ZNF564: variants seen among roughly 807,000 people sequenced by gnomAD.
ZNF564 encodes zinc finger protein 564.
Under a neutral mutation model 10.5 loss-of-function variants are expected in ZNF564, and 5 were observed. The ratio of observed to expected loss-of-function variants is 0.48; its 90% CI spans 0.25 to 1.00. The LOEUF (loss-of-function observed/expected upper bound fraction) is 1.00. Ranked by LOEUF, ZNF564 falls within the 50% of genes least tolerant of loss-of-function variation. The pLI, the probability that ZNF564 is intolerant of heterozygous loss-of-function variation, is 0.16. For synonymous variants in ZNF564, 242 were observed against 218.1 expected (o/e 1.11, Z -0.97); for missense variants, 603 against 669.7 (o/e 0.90, Z 1.10).
Position 12,527,567 on chromosome 19 carries a change from G to A in ZNF564, c.541C>T (p.Leu181Phe). Residue 181 changes from leucine to phenylalanine, a missense_variant, in exon 4 of 4, where the codon CTC becomes TTC. Transcript: ENST00000339282. The part of the protein sequence containing the change: ...CPECGKAFIS[L>F]PSVRRHMIKH... ...ATCATGTGTCTTCGAACACTTGGGA[G>A]AGAAATGAAGGCTTTCCCACATTCC... 1.2e-6 allele frequency: 2 copies of A among 1,614,142 alleles called. No individual in the cohort carries two copies. Among genetic ancestry groups the A allele is most frequent in the Non-Finnish European group, 1.7e-6 (2 of 1,180,014 alleles).
intron 1 of ZNF564, among the ~76,000 whole-genome samples, chr19:12,542,837 C>G (rs2022083482): frequency 6.6e-6 from 1 of 150,452 alleles, no homozygotes; most frequent in South Asian, 2.1e-4. Flanking sequence ...AACTCTGTCA[C>G]TACTAAAAAT....
intron 1 of ZNF564, among the ~76,000 whole-genome samples, chr19:12,538,521 G>A (rs2021963200): frequency 6.6e-6 from 1 of 152,112 alleles, no homozygotes; most frequent in Non-Finnish European, 1.5e-5. Flanking sequence ...AGCTACTTGG[G>A]AGGCTGAGGC....
intron 1 of ZNF564, among the ~76,000 whole-genome samples, chr19:12,543,651 G>A (rs1160296593): frequency 8.2e-6 from 1 of 122,252 alleles, no homozygotes; most frequent in East Asian, 2.3e-4. Context: ...TCCAGACGGG[G>A]CAACAAAGCG....
At chr19:12,546,543 C>T (rs1378883458) in intron 1 of ZNF564, among the ~76,000 whole-genome samples, 10 of 151,904 alleles carry the variant, frequency 6.6e-5, no homozygotes, top group African/African-American at 1.9e-4. Flanking sequence ...CTGGCTAACA[C>T]GGTGAAACCC....
At position 12,526,419 on chromosome 19, in the gene ZNF564, T is replaced by C. The variant is rs1328032199; in HGVS notation, c.*27A>G. On this transcript the variant is annotated 3_prime_UTR_variant, in exon 4 of 4. Transcript: ENST00000339282. Reference sequence around the variant, plus strand: ...GAAGACTTTCCATATTCTTTAGATATGTAGATACTTGTAGACCTGTCCTCC... The same window carrying C: ...GAAGACTTTCCATATTCTTTAGATACGTAGATACTTGTAGACCTGTCCTCC... The C allele has an allele frequency of 3.9e-6, 6 of 1,534,490 alleles. 1 individual carries two copies. The Admixed American group carries it at 6.5e-5, about 17-fold the overall frequency.
At chr19:12,548,712 A>T (rs77193388) in intron 1 of ZNF564, 2 of 690,138 alleles carry the variant, frequency 2.9e-6, no homozygotes, top group Non-Finnish European at 5.3e-6. Flanking sequence ...GAGACCTCAC[A>T]TTATTGTTAC....
At chr19:12,550,660 GA>G (rs112461690) in intron 1 of ZNF564, 10 of 149,524 alleles carry the variant, frequency 6.7e-5, no homozygotes, top group South Asian at 3.2e-4. Flanking sequence ...TGTCTGAAAA[GA>G]AAAAAAAAAC....
chr19:12,542,918 A>G (rs147849273), intron 1 of ZNF564, among the ~76,000 whole-genome samples: 1 of 151,046 alleles, frequency 6.6e-6, no homozygotes, highest in African/African-American at 2.4e-5. Flanking sequence ...AGGAGAATCA[A>G]TTGAATCCCG....
intron 1 of ZNF564, among the ~76,000 whole-genome samples, chr19:12,536,004 TC>T (rs1274701054): frequency 8.7e-6 from 1 of 115,206 alleles, no homozygotes; most frequent in Admixed American, 1.1e-4. Flanking sequence ...AGAGCGTGAC[TC>T]CGTCTCAAAA....
chr19:12,529,984 C>CAA (rs553631056), intron 1 of ZNF564: 23 of 51,910 alleles, frequency 4.4e-4, no homozygotes, highest in African/African-American at 7.7e-4. Flanking sequence ...AACTCTGTCT[C>CAA]AAAAAAAAAA....
At chr19:12,548,673 G>A in intron 1 of ZNF564, 1 of 627,280 alleles carries the variant, frequency 1.6e-6, no homozygotes, top group Non-Finnish European at 2.8e-6. Context: ...AACATGAAAA[G>A]CACATTTATC....
intron 1 of ZNF564, among the ~76,000 whole-genome samples, chr19:12,534,668 GCT>G: frequency 6.6e-6 from 1 of 152,120 alleles, no homozygotes; most frequent in East Asian, 1.9e-4. Flanking sequence ...ACAAAAATTA[GCT>G]GGGCATGGTG....
At chr19:12,534,238 G>A (rs1307537245) in intron 1 of ZNF564, among the ~76,000 whole-genome samples, 2 of 152,028 alleles carry the variant, frequency 1.3e-5, no homozygotes, top group Non-Finnish European at 2.9e-5. Flanking sequence ...AAAGTATATC[G>A]ATTTAGAAGG....
intron 1 of ZNF564, 76 bp downstream of exon 1, chr19:12,551,254 T>A (rs2022254419): frequency 1.3e-6 from 2 of 1,511,612 alleles, no homozygotes; most frequent in African/African-American, 1.4e-5. Flanking sequence ...GAGGCCAGGG[T>A]GCTTCCACAG....
chr19:12,551,100 C>G (rs1373390313), intron 1 of ZNF564, among the ~76,000 whole-genome samples: 3 of 152,226 alleles, frequency 2.0e-5, no homozygotes, highest in African/African-American at 7.2e-5. Flanking sequence ...GACAGGGCTC[C>G]GAGGCCGAGG....
chr19:12,549,044 T>A (rs544216373), intron 1 of ZNF564, among the ~76,000 whole-genome samples: 2 of 138,414 alleles, frequency 1.4e-5, no homozygotes, highest in African/African-American at 5.6e-5. Flanking sequence ...AAGAAGAAAA[T>A]AGACCTGAGA....
intron 1 of ZNF564, among the ~76,000 whole-genome samples, chr19:12,537,661 C>G (rs771378982): frequency 4.0e-5 from 6 of 151,244 alleles, no homozygotes; most frequent in Non-Finnish European, 7.4e-5. Flanking sequence ...TCACTTGAAC[C>G]CGGGAGGCGG....
chr19:12,543,716 A>G (rs892903050), intron 1 of ZNF564, among the ~76,000 whole-genome samples: 2 of 151,892 alleles, frequency 1.3e-5, no homozygotes, highest in Non-Finnish European at 2.9e-5. Context: ...TAGGACTCAA[A>G]TATCTAAAAA....
rs771229790 is a variant in ZNF564 at position 12,526,799 on chromosome 19, T to C, written c.1309A>G (p.Arg437Gly). 2 of 1,613,568 alleles carry C rather than the reference T, an allele frequency of 1.2e-6. No homozygotes were observed. Among genetic ancestry groups the C allele is most frequent in the Admixed American group, 3.3e-5 (2 of 59,950 alleles). ...GKAFISLKRI[R>G]KHMILHTGDG... ...CCAGTGTGCAGTATCATATGTTTTC[T>C]AATCCTTTTAAGAGAAATGAAGGCT... Residue 437 changes from arginine to glycine, a missense_variant, in exon 4 of 4, where the codon AGA becomes GGA. Arg to Gly is a moderately radical substitution (Grantham distance 125). Coordinates refer to ENST00000339282, the MANE Select transcript of ZNF564 (RefSeq NM_144976.4).
Sources: allele counts gnomAD v4.1 joint callset (sites outside exome capture counted in the v4.1 genomes callset), GRCh38; gene constraint gnomAD v4.1.1; transcripts MANE v1.5; gene names NCBI Gene and HGNC (gene_info 2026-07-23, HGNC 2026-07-21).